The following ACYP2 variants were observed in gnomAD, a reference collection of about 807,000 sequenced individuals.
ACYP2 encodes the protein acylphosphatase 2, also known as acylphosphatase-2.
A neutral mutation model predicts 11.2 loss-of-function variants in ACYP2; 12 were observed. The ratio of observed to expected loss-of-function variants is 1.08; its 90% CI spans 0.69 to 1.74. ACYP2 has a LOEUF of 1.74. ACYP2 is among the 40% of genes most tolerant of loss of function. The probability of loss-of-function intolerance (pLI) is 0.00; values close to 1 mark genes in which losing one functional copy is unlikely to be tolerated. For synonymous variants in ACYP2, 43 were observed against 32.2 expected (o/e 1.33, Z -1.13); for missense variants, 134 against 101.9 (o/e 1.31, Z -1.35).
At chr2:54,233,924 T>G (rs866418698) in intron 6 of ACYP2, among the ~76,000 whole-genome samples, 2 of 152,240 alleles carry the variant, frequency 1.3e-5, no homozygotes, top group Non-Finnish European at 2.9e-5. Context: ...GTCAGCCATT[T>G]AGTCCATCCC....
intron 2 of ACYP2, among the ~76,000 whole-genome samples, chr2:53,977,649 C>T (rs745404674): frequency 3.3e-5 from 5 of 151,100 alleles, no homozygotes; most frequent in East Asian, 2.0e-4. Context: ...GCAGGAGAAT[C>T]GCTTGAACCT....
intron 4 of ACYP2, among the ~76,000 whole-genome samples, chr2:54,133,516 G>A (rs1290721475): frequency 6.6e-6 from 1 of 152,042 alleles, no homozygotes; most frequent in Non-Finnish European, 1.5e-5. Context: ...GTTGCAATAG[G>A]TACTAATAAG....
intron 6 of ACYP2, among the ~76,000 whole-genome samples, chr2:54,189,240 G>A (rs984656185): frequency 5.3e-5 from 8 of 152,094 alleles, no homozygotes; most frequent in African/African-American, 1.9e-4. Context: ...ATTATTAACT[G>A]TAGTCATGTT....
rs114422577 is a variant in ACYP2 at position 54,016,198 on chromosome 2, G to A, written c.63-34760G>A. On this transcript the variant is annotated intron_variant, in intron 2 of 6. Transcript: ENST00000607452. ...TGCTCAGTTTCCACATCTGTTTGGA[G>A]GCCACTGCTGCCTGGCTTAGCTCAC... Among the ~76,000 whole-genome samples the A allele has an allele frequency of 6.4e-3, 967 of 152,008 alleles. 8 individuals are homozygous for A. Among genetic ancestry groups the A allele is most frequent in the African/African-American group, 0.022 (923 of 41,454 alleles).
intron 2 of ACYP2, among the ~76,000 whole-genome samples, chr2:54,047,319 C>T (rs192286877): frequency 9.2e-5 from 14 of 152,264 alleles, no homozygotes; most frequent in Non-Finnish European, 1.5e-4. Context: ...TGGCATATTT[C>T]TTATAAATTT....
At chr2:54,116,826 G>A (rs1312628432) in intron 4 of ACYP2, among the ~76,000 whole-genome samples, 1 of 152,148 alleles carries the variant, frequency 6.6e-6, no homozygotes, top group Non-Finnish European at 1.5e-5. Context: ...ACTGGCTAGG[G>A]TTGGACCGCA....
At chr2:54,283,196 A>G (rs946148352) in intron 6 of ACYP2, among the ~76,000 whole-genome samples, 1 of 152,228 alleles carries the variant, frequency 6.6e-6, no homozygotes, top group African/African-American at 2.4e-5. Flanking sequence ...CCTGTTAGAT[A>G]TGAATATCTT....
intron 6 of ACYP2, among the ~76,000 whole-genome samples, chr2:54,241,297 A>G (rs1437841876): frequency 1.3e-5 from 2 of 152,252 alleles, no homozygotes; most frequent in African/African-American, 2.4e-5. Context: ...GGAAATAGCA[A>G]TGTTATAACA....
chr2:54,219,857 A>ATG (rs771365126), intron 6 of ACYP2, among the ~76,000 whole-genome samples: 1,574 of 40,932 alleles, frequency 0.038, 46 homozygotes, highest in African/African-American at 0.063. Flanking sequence ...GTGTATATAG[A>ATG]TGTGTGTGTG....
chr2:54,049,407 A>G (rs1015663286), intron 2 of ACYP2, among the ~76,000 whole-genome samples: 5 of 152,080 alleles, frequency 3.3e-5, no homozygotes, highest in African/African-American at 1.2e-4. Context: ...TGCTTTCTCT[A>G]TTGGCTTCCT....
intron 6 of ACYP2, among the ~76,000 whole-genome samples, chr2:54,229,391 T>C (rs923024692): frequency 1.2e-4 from 19 of 152,224 alleles, no homozygotes; most frequent in Non-Finnish European, 2.5e-4. Flanking sequence ...ATTGCAGAGT[T>C]CACGAAGCCA....
At position 54,035,009 on chromosome 2, in the gene ACYP2, C is replaced by CAAAAAA. The variant is rs550142135; in HGVS notation, c.63-15931_63-15926dup. On this transcript the variant is annotated intron_variant, in intron 2 of 6. Coordinates refer to ENST00000607452, the MANE Select transcript of ACYP2 (RefSeq NM_001320586.2). ...CAGGCGACAGTGCGAGACTACATCT[C>CAAAAAA]AAAAAAAAAAAAAAAAAAAAAAAGC... Among the ~76,000 whole-genome samples, 17 of 44,772 alleles carry CAAAAAA rather than the reference C, an allele frequency of 3.8e-4. 1 individual carries two copies. The highest frequency in any genetic ancestry group is 3.2e-3 in the East Asian group (5 of 1,572). 29.4% of individuals were successfully genotyped at this position (44,772 alleles called of 152,430 possible). A position where few individuals can be genotyped will look rare whatever the true frequency, so the allele number is the denominator to read the frequency against.
chr2:54,201,636 C>CTTTGTT (rs59874821), intron 6 of ACYP2, among the ~76,000 whole-genome samples: 1,376 of 93,636 alleles, frequency 0.015, 30 homozygotes, highest in East Asian at 0.044. Flanking sequence ...TTCTTTCTTT[C>CTTTGTT]TCTTTCTTTC....
At chr2:54,009,913 C>T (rs1673270896) in intron 2 of ACYP2, among the ~76,000 whole-genome samples, 1 of 151,936 alleles carries the variant, frequency 6.6e-6, no homozygotes. Context: ...GTAACCTGTC[C>T]CTGGCCACTC....
chr2:54,214,907 G>C (rs528678243), intron 6 of ACYP2, among the ~76,000 whole-genome samples: 5 of 152,100 alleles, frequency 3.3e-5, no homozygotes, highest in Non-Finnish European at 7.4e-5. Flanking sequence ...CCATTTGTTT[G>C]TATCATATCT....
intron 2 of ACYP2, among the ~76,000 whole-genome samples, chr2:54,033,805 A>C (rs891001393): frequency 6.6e-6 from 1 of 152,224 alleles, no homozygotes; most frequent in Admixed American, 6.5e-5. Flanking sequence ...TGGTGGTCTG[A>C]AGTAAGGTGT....
At chr2:54,246,592 C>A (rs1481395780) in intron 6 of ACYP2, among the ~76,000 whole-genome samples, 3 of 151,998 alleles carry the variant, frequency 2.0e-5, no homozygotes, top group African/African-American at 7.2e-5. Context: ...CCTAAGTTTT[C>A]TTGTTTACTT....
At chr2:54,251,229 C>T (rs1291230906) in intron 6 of ACYP2, among the ~76,000 whole-genome samples, 1 of 152,190 alleles carries the variant, frequency 6.6e-6, no homozygotes, top group Non-Finnish European at 1.5e-5. Context: ...TGGATTTTAA[C>T]CATTTGAATG....
intron 6 of ACYP2, among the ~76,000 whole-genome samples, chr2:54,285,159 G>A (rs1381059483): frequency 3.9e-5 from 6 of 152,140 alleles, no homozygotes; most frequent in Admixed American, 2.6e-4. Context: ...TTTTATAAGG[G>A]TACTGGTCCC....
Sources: gnomAD v4.1 joint callset for allele counts (sites outside exome capture counted in the v4.1 genomes callset) on GRCh38, gnomAD v4.1.1 for gene constraint, MANE v1.5 for transcripts, NCBI Gene and HGNC (gene_info 2026-07-23, HGNC 2026-07-21) for gene names.